The following GALNT17 variants were observed in gnomAD, a reference collection of about 807,000 sequenced individuals.
The protein encoded by GALNT17 is UDP-GalNAc:polypeptide N-acetylgalactosaminyltransferase-like 3.
Under a neutral mutation model 63.7 loss-of-function variants are expected in GALNT17, and 29 were observed. The ratio of observed to expected loss-of-function variants is 0.46; its 90% CI spans 0.34 to 0.62. GALNT17 has a LOEUF of 0.62. Ranked by LOEUF, GALNT17 falls within the 20% of genes least tolerant of loss-of-function variation. The probability of loss-of-function intolerance (pLI) is 0.01; values close to 1 mark genes in which losing one functional copy is unlikely to be tolerated. For missense variants in GALNT17, 603 were observed against 799.6 expected (o/e 0.75, Z 2.97); for synonymous variants, 305 against 318.3 (o/e 0.96, Z 0.45).
intron 1 of GALNT17, among the ~76,000 whole-genome samples, chr7:71,258,979 C>T (rs1164962792): frequency 1.3e-5 from 2 of 152,122 alleles, no homozygotes; most frequent in African/African-American, 2.4e-5. Flanking sequence ...ATTTCTGATG[C>T]TCAGGGTATG....
chr7:71,288,971 A>T (rs1225252359), intron 1 of GALNT17, among the ~76,000 whole-genome samples: 1 of 152,170 alleles, frequency 6.6e-6, no homozygotes, highest in Admixed American at 6.5e-5. Context: ...TGCCCATTTT[A>T]TGTATGGGGA....
chr7:71,546,187 A>G (rs1467987784), intron 5 of GALNT17, among the ~76,000 whole-genome samples: 1 of 146,428 alleles, frequency 6.8e-6, no homozygotes, highest in Non-Finnish European at 1.5e-5. Context: ...TTGAGATAGC[A>G]TCTCACCCTG....
intron 9 of GALNT17, among the ~76,000 whole-genome samples, chr7:71,693,724 C>T (rs1791497054): frequency 6.6e-6 from 1 of 151,236 alleles, no homozygotes. Context: ...AGGCTTAATA[C>T]CTGGGTGATG....
chr7:71,545,786 A>G (rs1397006900), intron 5 of GALNT17, among the ~76,000 whole-genome samples: 1 of 152,152 alleles, frequency 6.6e-6, no homozygotes, highest in Non-Finnish European at 1.5e-5. Flanking sequence ...TCATGTGTTT[A>G]TAATATCTAT....
intron 2 of GALNT17, among the ~76,000 whole-genome samples, chr7:71,386,610 G>A (rs553237378): frequency 2.2e-4 from 34 of 152,246 alleles, no homozygotes; most frequent in Middle Eastern, 3.4e-3. Context: ...ACATCACCTG[G>A]AGCCGTGGAG....
intron 3 of GALNT17, among the ~76,000 whole-genome samples, chr7:71,399,377 C>T (rs1181839869): frequency 6.6e-6 from 1 of 152,220 alleles, no homozygotes; most frequent in Non-Finnish European, 1.5e-5. Context: ...GGTTCCATTG[C>T]CTCTTGAGTG....
intron 5 of GALNT17, among the ~76,000 whole-genome samples, chr7:71,510,351 A>G (rs1005452180): frequency 2.0e-4 from 30 of 152,220 alleles, no homozygotes; most frequent in Admixed American, 1.8e-3. Flanking sequence ...GAGACCCCAT[A>G]CTTCTTAGCT....
chr7:71,554,641 A>G (rs1216829322), intron 5 of GALNT17, among the ~76,000 whole-genome samples: 1 of 152,156 alleles, frequency 6.6e-6, no homozygotes, highest in Non-Finnish European at 1.5e-5. Context: ...TGCCCATAGC[A>G]CGCTGCAAGA....
chr7:71,560,855 C>T (rs930875045), intron 5 of GALNT17, among the ~76,000 whole-genome samples: 1 of 152,158 alleles, frequency 6.6e-6, no homozygotes, highest in Non-Finnish European at 1.5e-5. Flanking sequence ...TGTTTGCTTA[C>T]AATACTGGTG....
chr7:71,532,723 C>G (rs1788740849), intron 5 of GALNT17, among the ~76,000 whole-genome samples: 1 of 152,182 alleles, frequency 6.6e-6, no homozygotes. Flanking sequence ...CTTGCCCTTT[C>G]TCTGAGTTCA....
chr7:71,571,163 G>T (rs911136208), intron 5 of GALNT17, 122 bp from the exon 6 acceptor site: 8 of 736,970 alleles, frequency 1.1e-5, no homozygotes, highest in Non-Finnish European at 2.4e-6. Context: ...CTGGAACCCA[G>T]TACATGCTAG....
intron 1 of GALNT17, among the ~76,000 whole-genome samples, chr7:71,333,148 A>C (rs546520514): frequency 8.5e-5 from 13 of 152,092 alleles, no homozygotes; most frequent in Admixed American, 8.5e-4. Flanking sequence ...GTCACTGTCC[A>C]TTTTCTCCCC....
At chr7:71,349,606 T>C (rs2116172142) in intron 2 of GALNT17, among the ~76,000 whole-genome samples, 1 of 152,314 alleles carries the variant, frequency 6.6e-6, no homozygotes, top group Non-Finnish European at 1.5e-5. Context: ...GTTTGGAGTT[T>C]CGTTTCATTA....
At position 71,299,956 on chromosome 7, in the gene GALNT17, A is replaced by G. The variant is rs188065651; in HGVS notation, c.239-35594A>G. Among the ~76,000 whole-genome samples, 566 of 152,018 alleles carry G rather than the reference A, an allele frequency of 3.7e-3. 6 individuals carry two copies. Among genetic ancestry groups the G allele is most frequent in the African/African-American group, 0.013 (545 of 41,492 alleles). ...AATTTTTGTATTTTTAGTAGAGAAG[A>G]GGTTTCACCAAATTGATAATCAGGT... is the stretch of plus-strand genomic sequence containing the variant. On this transcript the variant is annotated intron_variant, in intron 1 of 10. Transcript: ENST00000333538.
At chr7:71,288,722 C>G (rs1428551731) in intron 1 of GALNT17, among the ~76,000 whole-genome samples, 1 of 152,030 alleles carries the variant, frequency 6.6e-6, no homozygotes, top group Non-Finnish European at 1.5e-5. Context: ...GTGTGTTCAT[C>G]TGGAAATCCA....
rs114246086 is a variant in GALNT17 at position 71,475,803 on chromosome 7, C to T, written c.962+54698C>T. Among the ~76,000 whole-genome samples the T allele has an allele frequency of 5.2e-3, 799 of 152,310 alleles. 8 individuals carry two copies. The highest frequency in any genetic ancestry group is 0.018 in the African/African-American group (763 of 41,566). On this transcript the variant is annotated intron_variant, in intron 5 of 10. Transcript: ENST00000333538. ...CATACTCTATAGAAACAGGTATCCC[C>T]AGTGAGTCTGCTAGATGATACTCAG...
At chr7:71,361,365 A>G (rs905110056) in intron 2 of GALNT17, among the ~76,000 whole-genome samples, 6 of 152,170 alleles carry the variant, frequency 3.9e-5, no homozygotes, top group Admixed American at 2.0e-4. Flanking sequence ...TTCTCATGGG[A>G]AGTTTTAGCA....
At chr7:71,481,955 A>C (rs1324643358) in intron 5 of GALNT17, among the ~76,000 whole-genome samples, 3 of 152,248 alleles carry the variant, frequency 2.0e-5, no homozygotes, top group Admixed American at 1.3e-4. Flanking sequence ...AAAGGAAAGA[A>C]GGAAAGACAA....
At chr7:71,475,982 C>A (rs559365823) in intron 5 of GALNT17, among the ~76,000 whole-genome samples, 23 of 152,182 alleles carry the variant, frequency 1.5e-4, no homozygotes, top group South Asian at 8.3e-4. Context: ...TACTACTACT[C>A]CTCCTACTAA....
Sources: gnomAD v4.1 joint callset for allele counts (sites outside exome capture counted in the v4.1 genomes callset) on GRCh38, gnomAD v4.1.1 for gene constraint, MANE v1.5 for transcripts, NCBI Gene and HGNC (gene_info 2026-07-23, HGNC 2026-07-21) for gene names.